Variants in SH2B3 observed in about 807,000 individuals in gnomAD.
SH2B3 encodes SH2B adaptor protein 3.
A neutral mutation model predicts 51.9 loss-of-function variants in SH2B3; 43 were observed. The observed-to-expected ratio is 0.83, with a 90% CI of 0.65 to 1.07. SH2B3 has a LOEUF of 1.07. Ranked by LOEUF, SH2B3 falls within the 50% of genes least tolerant of loss-of-function variation. SH2B3 has a pLI of 0.00. For missense variants in SH2B3, 952 were observed against 834.3 expected, an observed-to-expected ratio of 1.14 and a Z score of -1.74; for synonymous variants, 396 against 376.0, an observed-to-expected ratio of 1.05 and a Z score of -0.62.
chr12:111,447,636 A>G lies in SH2B3; in HGVS notation c.1237-20A>G. On this transcript the variant is annotated intron_variant, in intron 6 of 7. Transcript: ENST00000341259. ...GGTCCTAGAGGGACAGCCCGAGCCC[A>G]CCATCCTCTCCTCCCACAGCACCTG... 6.2e-7 allele frequency: 1 copy of G among 1,609,244 alleles called. No individual in the cohort carries two copies. Among genetic ancestry groups the G allele is most frequent in the Non-Finnish European group, 8.5e-7 (1 of 1,176,796 alleles).
At chr12:111,446,682 G>T in intron 2 of SH2B3, 71 bp from the exon 3 acceptor site, 1 of 845,178 alleles carries the variant, frequency 1.2e-6, no homozygotes, top group South Asian at 1.8e-5. Flanking sequence ...GGAGACTATA[G>T]ACAAACTCAG....
At chr12:111,430,887 G>C (rs774786049) in intron 2 of SH2B3, among the ~76,000 whole-genome samples, 40 of 152,044 alleles carry the variant, frequency 2.6e-4, no homozygotes, top group Non-Finnish European at 5.4e-4. Flanking sequence ...CCCCGGGATG[G>C]GCAGCAGCCT....
rs1309143065 is a variant in SH2B3 at position 111,407,209 on chromosome 12, C to CACTG, written c.-28+933_-28+936dup. 6.6e-6 allele frequency among the ~76,000 whole-genome samples: 1 copy of CACTG among 152,208 alleles called. No individual in the cohort carries two copies. Among genetic ancestry groups the CACTG allele is most frequent in the Non-Finnish European group, 1.5e-5 (1 of 68,028 alleles). ...GCCACAATGATGTAGGTGAGGAGGT[C>CACTG]ACTGCCTGCAGCTGGGGGCCTCCAG... On this transcript the variant is annotated intron_variant, in intron 1 of 7. Transcript: ENST00000341259. The surrounding 1 kb of genome is among the most constrained non-coding windows in gnomAD (Gnocchi z 4.3).
chr12:111,420,195 C>T (rs1410998620), intron 2 of SH2B3, among the ~76,000 whole-genome samples: 1 of 151,980 alleles, frequency 6.6e-6, no homozygotes, highest in East Asian at 1.9e-4. Context: ...TGGCAAAACC[C>T]CATTGCTACA....
In SH2B3 at chr12:111,446,809, C is replaced by T; in HGVS notation, c.789C>T (p.Cys263=). 1 of 1,578,602 alleles carries T rather than the reference C, an allele frequency of 6.3e-7. No individual in the cohort carries two copies. The highest frequency in any genetic ancestry group is 2.2e-5 in the East Asian group (1 of 44,528). The change falls in exon 3 of 8, where the codon TGC becomes TGT. Residue 263 remains cysteine, a synonymous_variant. Coordinates refer to ENST00000341259, the MANE Select transcript of SH2B3 (RefSeq NM_005475.3). ...CCAGCATCCAGGAGGTCCGGTGGTGCACACGGCTTGAGATGCCTGACAACC... is the reference window on the plus strand; with the variant it reads ...CCAGCATCCAGGAGGTCCGGTGGTGTACACGGCTTGAGATGCCTGACAACC... ...ACSSIQEVRW[C]TRLEMPDNLY...
At chr12:111,417,766 G>A (rs1871195338) in intron 1 of SH2B3, among the ~76,000 whole-genome samples, 1 of 151,868 alleles carries the variant, frequency 6.6e-6, no homozygotes, top group Non-Finnish European at 1.5e-5. Context: ...CTTTATATAG[G>A]GCCTTCAGTG....
chr12:111,422,420 G>A (rs531562508), intron 2 of SH2B3, among the ~76,000 whole-genome samples: 8 of 152,242 alleles, frequency 5.3e-5, no homozygotes, highest in Non-Finnish European at 1.0e-4. Flanking sequence ...GAATTTGGTC[G>A]TTTGTGAAGT....
chr12:111,442,636 G>A (rs546252020), intron 2 of SH2B3, among the ~76,000 whole-genome samples: 3 of 152,302 alleles, frequency 2.0e-5, no homozygotes, highest in East Asian at 1.9e-4. Context: ...GCCCTCCAGC[G>A]TCCCAGGAGG....
chr12:111,424,093 CAA>C (rs1435937312), intron 2 of SH2B3, among the ~76,000 whole-genome samples: 3 of 152,174 alleles, frequency 2.0e-5, no homozygotes, highest in Non-Finnish European at 2.9e-5. Flanking sequence ...GCCTGGGTGA[CAA>C]GAGCGAAACT....
intron 2 of SH2B3, among the ~76,000 whole-genome samples, chr12:111,425,759 G>A (rs1288052972): frequency 6.6e-6 from 1 of 152,170 alleles, no homozygotes; most frequent in Non-Finnish European, 1.5e-5. Flanking sequence ...GCTCAGGCCC[G>A]CGATGGGAGA....
chr12:111,424,821 C>T (rs936291162), intron 2 of SH2B3, among the ~76,000 whole-genome samples: 1 of 152,210 alleles, frequency 6.6e-6, no homozygotes, highest in African/African-American at 2.4e-5. Context: ...ACCTCTGACC[C>T]AGGGGTTGGC....
chr12:111,439,654 C>T (rs905701732), intron 2 of SH2B3, among the ~76,000 whole-genome samples: 6 of 152,216 alleles, frequency 3.9e-5, no homozygotes, highest in Admixed American at 2.6e-4. Flanking sequence ...TCATAGTTCA[C>T]GGCAGCCTCA....
rs1394509396 is a variant in SH2B3, at chr12:111,450,003, T to G, written c.*1701T>G. On this transcript the variant is annotated 3_prime_UTR_variant, in exon 8 of 8. Transcript: ENST00000341259. Reference sequence around the variant, plus strand: ...GTGCAGTGGTGCAATCTTGGCTCACTGCAACCTCCACCTTCCTGGTTCAAG... The same window carrying G: ...GTGCAGTGGTGCAATCTTGGCTCACGGCAACCTCCACCTTCCTGGTTCAAG... The G allele has an allele frequency of 1.3e-5, 2 of 152,026 alleles. No individual in the cohort carries two copies. Among genetic ancestry groups the G allele is most frequent in the Non-Finnish European group, 2.9e-5 (2 of 68,014 alleles). 9.4% of individuals were successfully genotyped at this position (152,026 alleles called of 1,614,324 possible).
intron 2 of SH2B3, among the ~76,000 whole-genome samples, chr12:111,442,269 G>GCC (rs1873486063): frequency 6.6e-6 from 1 of 152,098 alleles, no homozygotes; most frequent in African/African-American, 2.4e-5. Flanking sequence ...CTGCTTACGG[G>GCC]CCCCCTATTA....
Position 111,407,535 on chromosome 12 carries a change from G to A in SH2B3, c.-28+1258G>A, listed in dbSNP as rs542086464. 2.6e-4 allele frequency among the ~76,000 whole-genome samples: 39 copies of A among 152,358 alleles called. No individual in the cohort carries two copies. Among genetic ancestry groups the A allele is most frequent in the East Asian group, 1.5e-3 (8 of 5,180 alleles). On this transcript the variant is annotated intron_variant, in intron 1 of 7. Coordinates refer to ENST00000341259, the MANE Select transcript of SH2B3 (RefSeq NM_005475.3). This position sits in a 1 kb window ranked among gnomAD's most constrained non-coding sequence, Gnocchi z 4.3. ...GTGGAAACAGCTCTGGAGGCTCCTC[G>A]GGACCTGCCCTCGTGGAGGGAGAGC...
intron 2 of SH2B3, among the ~76,000 whole-genome samples, chr12:111,441,962 C>T (rs529197135): frequency 6.6e-6 from 1 of 152,004 alleles, no homozygotes; most frequent in South Asian, 2.1e-4. Flanking sequence ...GACAGGGTCT[C>T]ACTCTGTCGA....
chr12:111,447,345 G>T lies in SH2B3; in HGVS notation c.1037G>T (p.Gly346Val). ...DSLNQGASPGGLLDPACQKTD... is the reference protein window; with the variant it reads ...DSLNQGASPGVLLDPACQKTD... ...TATCTAACAGGTGCTTCTCCTGGGG[G>T]GCTGCTGGACCCGGCCTGCCAGAAG... The change falls in exon 6 of 8, where the codon GGG (glycine) becomes GTG (valine). Residue 346 changes from glycine to valine, a missense_variant. Gly to Val is a moderately radical substitution (Grantham distance 109). Coordinates refer to ENST00000341259, the MANE Select transcript of SH2B3 (RefSeq NM_005475.3). 3 of 1,613,848 alleles carry T rather than the reference G, an allele frequency of 1.9e-6. No homozygotes were observed. The highest frequency in any genetic ancestry group is 2.5e-6 in the Non-Finnish European group (3 of 1,179,880).
chr12:111,410,645 C>T lies in SH2B3; in HGVS notation c.-28+4368C>T, dbSNP rs528908095. 2.4e-3 allele frequency among the ~76,000 whole-genome samples: 366 copies of T among 152,278 alleles called. 2 individuals are homozygous for T. Among genetic ancestry groups the T allele is most frequent in the African/African-American group, 8.5e-3 (354 of 41,560 alleles). ...ACTGTGCTGGCCTGATAAATGTCCCCGGGGCACAAGGTGACCCCAGCAAGG... is the reference window on the plus strand; with the variant it reads ...ACTGTGCTGGCCTGATAAATGTCCCTGGGGCACAAGGTGACCCCAGCAAGG... On this transcript the variant is annotated intron_variant, in intron 1 of 7. Transcript: ENST00000341259. The surrounding 1 kb of genome is among the most constrained non-coding windows in gnomAD (Gnocchi z 4.9).
rs959330831 is a variant in SH2B3 at position 111,412,081 on chromosome 12, G to A, written c.-28+5804G>A. On this transcript the variant is annotated intron_variant, in intron 1 of 7. Coordinates refer to ENST00000341259, the MANE Select transcript of SH2B3 (RefSeq NM_005475.3). ...TGCCCCCAACTCATACCCTACAGTC[G>A]AAGCCTGAGGGCCCCAGGTCCCCCT... 5.3e-5 allele frequency among the ~76,000 whole-genome samples: 8 copies of A among 152,156 alleles called. No individual in the cohort carries two copies. In the South Asian group the frequency reaches 1.7e-3, roughly 32 times the overall value.
Sources: gnomAD v4.1 joint callset for allele counts (sites outside exome capture counted in the v4.1 genomes callset) on GRCh38, gnomAD v4.1.1 for gene constraint, Gnocchi (gnomAD v3.1) non-coding constraint, MANE v1.5 for transcripts, NCBI Gene and HGNC (gene_info 2026-07-23, HGNC 2026-07-21) for gene names.